The following MAP2 variants were observed in gnomAD, a reference collection of about 807,000 sequenced individuals.
MAP2 encodes the protein microtubule-associated protein 2.
A neutral mutation model predicts 137.6 loss-of-function variants in MAP2; 14 were observed. The ratio of observed to expected loss-of-function variants is 0.10; its 90% CI spans 0.07 to 0.16. The LOEUF is 0.16. Among genes scored for constraint, MAP2 ranks in the 10% least tolerant of loss-of-function variants. The probability of loss-of-function intolerance (pLI) is 1.00; values close to 1 mark genes in which losing one functional copy is unlikely to be tolerated. For synonymous variants in MAP2, 786 were observed against 782.3 expected (o/e 1.00, Z -0.08); for missense variants, 2,088 against 2,191.5 (o/e 0.95, Z 0.94).
chr2:209,480,924 A>G (rs559363208), intron 1 of MAP2, among the ~76,000 whole-genome samples: 7 of 151,186 alleles, frequency 4.6e-5, no homozygotes, highest in Admixed American at 1.3e-4. Flanking sequence ...TTTTCTCTCC[A>G]TTTCCCTGCT....
intron 5 of MAP2, among the ~76,000 whole-genome samples, chr2:209,670,435 A>G (rs1233605978): frequency 1.3e-5 from 2 of 151,812 alleles, no homozygotes; most frequent in Admixed American, 6.6e-5. Context: ...TAGAAGCAAA[A>G]TTTTCCAGTA....
chr2:209,687,016 G>A lies in MAP2; in HGVS notation c.455-5609G>A, dbSNP rs1303414599. On this transcript the variant is annotated intron_variant, in intron 7 of 15. Coordinates refer to ENST00000682079, the MANE Select transcript of MAP2 (RefSeq NM_001375505.1). The stretch of plus-strand genomic sequence containing the variant: ...TTAGTGTCCTGCAAATCAGAACCTG[G>A]TTTAAAATGATGCCTCTAGGTACTA... Among the ~76,000 whole-genome samples the A allele has an allele frequency of 2.6e-5, 4 of 151,704 alleles. No homozygotes were observed. In the East Asian group the frequency reaches 7.7e-4, roughly 29 times the overall value.
intron 1 of MAP2, among the ~76,000 whole-genome samples, chr2:209,431,725 C>T (rs926204208): frequency 1.3e-5 from 2 of 152,116 alleles, no homozygotes; most frequent in Non-Finnish European, 2.9e-5. Flanking sequence ...GACTGCCATT[C>T]CCAATTCTGA....
chr2:209,487,459 T>C (rs1481460374), intron 1 of MAP2, among the ~76,000 whole-genome samples: 1 of 152,150 alleles, frequency 6.6e-6, no homozygotes, highest in Non-Finnish European at 1.5e-5. Context: ...AAAATCTAGG[T>C]TGTGGTATTA....
intron 1 of MAP2, among the ~76,000 whole-genome samples, chr2:209,499,301 C>T (rs1218344415): frequency 6.6e-6 from 1 of 152,142 alleles, no homozygotes; most frequent in African/African-American, 2.4e-5. Flanking sequence ...TGACCTTTGC[C>T]CCAGTTCCCA....
At chr2:209,706,144 T>G (rs1455373680) in intron 12 of MAP2, among the ~76,000 whole-genome samples, 4 of 152,138 alleles carry the variant, frequency 2.6e-5, no homozygotes, top group African/African-American at 9.7e-5. Context: ...ATTCAAAACT[T>G]AGGATCCTGT....
intron 13 of MAP2, among the ~76,000 whole-genome samples, chr2:209,716,732 A>AT (rs372267112): frequency 7.0e-4 from 104 of 149,284 alleles, no homozygotes; most frequent in Non-Finnish European, 1.1e-3. Context: ...TTAGGTACTG[A>AT]TTTTTTTTTT....
chr2:209,614,834 T>C (rs1421348582), intron 3 of MAP2, among the ~76,000 whole-genome samples: 1 of 152,130 alleles, frequency 6.6e-6, no homozygotes, highest in Non-Finnish European at 1.5e-5. Context: ...TTGAACAACA[T>C]GCAGCAGAAG....
chr2:209,634,505 AG>A (rs1187019426), intron 4 of MAP2, among the ~76,000 whole-genome samples: 1 of 152,032 alleles, frequency 6.6e-6, no homozygotes, highest in African/African-American at 2.4e-5. Context: ...ACCAAGGAGG[AG>A]CAAAAGGCAG....
intron 11 of MAP2, among the ~76,000 whole-genome samples, chr2:209,700,637 A>G (rs970446188): frequency 1.3e-5 from 2 of 152,196 alleles, no homozygotes; most frequent in African/African-American, 4.8e-5. Flanking sequence ...GTTACTTTTC[A>G]TAGAATCAAA....
At chr2:209,625,746 A>T (rs1046975997) in intron 4 of MAP2, among the ~76,000 whole-genome samples, 2 of 152,190 alleles carry the variant, frequency 1.3e-5, no homozygotes, top group Non-Finnish European at 2.9e-5. Flanking sequence ...ATGGAATAAA[A>T]ATAACAGTGC....
intron 13 of MAP2, among the ~76,000 whole-genome samples, chr2:209,715,766 A>G (rs568775379): frequency 1.8e-3 from 272 of 152,330 alleles, no homozygotes; most frequent in African/African-American, 6.4e-3. Context: ...CAGGCCTAAC[A>G]TGTTCTAGGA....
At chr2:209,479,128 G>T (rs957979734) in intron 1 of MAP2, among the ~76,000 whole-genome samples, 1 of 151,968 alleles carries the variant, frequency 6.6e-6, no homozygotes, top group African/African-American at 2.4e-5. Context: ...TCCAGAGTTG[G>T]ACTTCAGTAA....
At chr2:209,455,060 T>C (rs576663626) in intron 1 of MAP2, among the ~76,000 whole-genome samples, 3 of 152,298 alleles carry the variant, frequency 2.0e-5, no homozygotes, top group African/African-American at 7.2e-5. Flanking sequence ...ATGAGGGCAC[T>C]AATCACATCA....
At chr2:209,573,916 A>G (rs1037678848) in intron 2 of MAP2, among the ~76,000 whole-genome samples, 2 of 152,204 alleles carry the variant, frequency 1.3e-5, no homozygotes, top group African/African-American at 2.4e-5. Flanking sequence ...TTCACTGAGT[A>G]TAATGGCTTT....
At position 209,694,982 on chromosome 2, in the gene MAP2, C is replaced by A; in HGVS notation, c.2812C>A (p.His938Asn). ...CAGTGTTGACAAAGAAGCATCCGCG[C>A]ATATCTCTGGTGACAAATCAGGACT... ...EFSVDKEASA[H>N]ISGDKSGLSK... The change falls in exon 8 of 16, where the codon CAT becomes AAT. Residue 938 changes from histidine (H) to asparagine (N), a missense_variant. Physicochemically the swap from His to Asn is moderately conservative, Grantham distance 68. Coordinates refer to ENST00000682079, the MANE Select transcript of MAP2 (RefSeq NM_001375505.1). 6.2e-7 allele frequency: 1 copy of A among 1,614,156 alleles called. No individual in the cohort carries two copies. The highest frequency in any genetic ancestry group is 1.3e-5 in the African/African-American group (1 of 75,052).
At chr2:209,680,878 A>C (rs765075220) in intron 7 of MAP2, 51 bp downstream of exon 7, 3 of 1,464,936 alleles carry the variant, frequency 2.0e-6, no homozygotes, top group Non-Finnish European at 2.9e-6. Context: ...AGTGTGAACA[A>C]TAAACTTCAA....
At chr2:209,580,370 T>C (rs2153397495) in intron 3 of MAP2, among the ~76,000 whole-genome samples, 1 of 152,316 alleles carries the variant, frequency 6.6e-6, no homozygotes, top group Admixed American at 6.5e-5. Context: ...TTTATCATTG[T>C]AATGTTTTTT....
Position 209,549,363 on chromosome 2 carries a change from G to C in MAP2, c.-171-30673G>C, listed in dbSNP as rs1442925012. Reference sequence around the variant, plus strand: ...GCAAGGCTTCAGAGTAAACTGAAGAGAAAAAGATGATCATTTCTGGCTCTG... The same window carrying C: ...GCAAGGCTTCAGAGTAAACTGAAGACAAAAAGATGATCATTTCTGGCTCTG... On this transcript the variant is annotated intron_variant, in intron 2 of 15. Coordinates refer to ENST00000682079, the MANE Select transcript of MAP2 (RefSeq NM_001375505.1). 3.3e-5 allele frequency among the ~76,000 whole-genome samples: 5 copies of C among 152,128 alleles called. No homozygotes were observed. The South Asian group carries it at 8.3e-4, about 25-fold the overall frequency.
Sources: gnomAD v4.1 joint callset for allele counts (sites outside exome capture counted in the v4.1 genomes callset) on GRCh38, gnomAD v4.1.1 for gene constraint, MANE v1.5 for transcripts, NCBI Gene and HGNC (gene_info 2026-07-23, HGNC 2026-07-21) for gene names.